RSRC1: variants seen among roughly 807,000 people sequenced by gnomAD.
RSRC1 encodes the protein serine/Arginine-related protein 53.
In RSRC1, 39 loss-of-function variants were observed where a neutral mutation model predicts 49.1. The observed-to-expected ratio is 0.79, with a 90% confidence interval of 0.61 to 1.04. RSRC1 has a LOEUF of 1.04. Ranked by LOEUF, RSRC1 falls within the 50% of genes least tolerant of loss-of-function variation. The probability of loss-of-function intolerance (pLI) is 0.00; values close to 1 mark genes in which losing one functional copy is unlikely to be tolerated. For missense variants in RSRC1, 388 were observed against 402.4 expected (o/e 0.96, Z 0.31); for synonymous variants, 143 against 130.8 (o/e 1.09, Z -0.63).
chr3:158,370,663 C>T (rs995416581), intron 6 of RSRC1, among the ~76,000 whole-genome samples: 1 of 151,692 alleles, frequency 6.6e-6, no homozygotes, highest in African/African-American at 2.4e-5. Context: ...TTGGTGGACA[C>T]AAATAAATTG....
intron 7 of RSRC1, among the ~76,000 whole-genome samples, chr3:158,464,944 A>G (rs1485528547): frequency 6.6e-6 from 1 of 152,068 alleles, no homozygotes; most frequent in Non-Finnish European, 1.5e-5. Flanking sequence ...TGCATAAATC[A>G]CAACCCTTAG....
chr3:158,353,995 CTT>C (rs1230649090), intron 5 of RSRC1, among the ~76,000 whole-genome samples: 1 of 96,302 alleles, frequency 1.0e-5, no homozygotes, highest in Non-Finnish European at 1.9e-5. Context: ...GTTTCTTTTT[CTT>C]TTTTTTTTTT....
intron 6 of RSRC1, among the ~76,000 whole-genome samples, chr3:158,402,711 T>C (rs1733957094): frequency 6.6e-6 from 1 of 151,884 alleles, no homozygotes; most frequent in Admixed American, 6.6e-5. Context: ...AGTTTCTCTT[T>C]AAGTTAGAAT....
At chr3:158,370,662 A>T (rs962588734) in intron 6 of RSRC1, among the ~76,000 whole-genome samples, 1 of 151,862 alleles carries the variant, frequency 6.6e-6, no homozygotes, top group African/African-American at 2.4e-5. Context: ...GTTGGTGGAC[A>T]CAAATAAATT....
At chr3:158,132,835 T>C (rs2108182596) in intron 3 of RSRC1, among the ~76,000 whole-genome samples, 1 of 152,322 alleles carries the variant, frequency 6.6e-6, no homozygotes, top group South Asian at 2.1e-4. Context: ...ATCCTTCAAT[T>C]TGTCCATGAA....
chr3:158,137,552 A>G (rs534556344), intron 3 of RSRC1, among the ~76,000 whole-genome samples: 5 of 152,124 alleles, frequency 3.3e-5, no homozygotes, highest in African/African-American at 1.2e-4. Flanking sequence ...AAAATTAATT[A>G]GTTGACCTTA....
At chr3:158,456,180 T>A (rs1258133146) in intron 6 of RSRC1, among the ~76,000 whole-genome samples, 1 of 151,998 alleles carries the variant, frequency 6.6e-6, no homozygotes, top group African/African-American at 2.4e-5. Context: ...TGTCACAGTA[T>A]AATGCAAGTC....
chr3:158,259,890 A>G (rs570095755), intron 4 of RSRC1, among the ~76,000 whole-genome samples: 1 of 152,158 alleles, frequency 6.6e-6, no homozygotes, highest in East Asian at 1.9e-4. Context: ...TTGCCTGGCT[A>G]TCATCAATGC....
chr3:158,333,482 A>G (rs943160855), intron 5 of RSRC1, among the ~76,000 whole-genome samples: 1 of 152,248 alleles, frequency 6.6e-6, no homozygotes, highest in African/African-American at 2.4e-5. Flanking sequence ...GTAGCATGAA[A>G]TAAAGTATGT....
At chr3:158,263,519 C>T (rs1308315616) in intron 4 of RSRC1, among the ~76,000 whole-genome samples, 1 of 152,046 alleles carries the variant, frequency 6.6e-6, no homozygotes, top group African/African-American at 2.4e-5. Context: ...TGTTTGGTGA[C>T]AGGGTAATGC....
chr3:158,208,297 A>G (rs922897424), intron 4 of RSRC1, among the ~76,000 whole-genome samples: 6 of 152,132 alleles, frequency 3.9e-5, no homozygotes, highest in African/African-American at 1.4e-4. Flanking sequence ...AGTGAAAGCA[A>G]TTTATTAAGA....
chr3:158,194,744 C>CAG, intron 3 of RSRC1, among the ~76,000 whole-genome samples: 1 of 148,290 alleles, frequency 6.7e-6, no homozygotes, highest in East Asian at 2.0e-4. Flanking sequence ...AGAACATGTG[C>CAG]TGTTTGGTTT....
At chr3:158,214,112 CTA>C (rs909645532) in intron 4 of RSRC1, among the ~76,000 whole-genome samples, 9 of 151,778 alleles carry the variant, frequency 5.9e-5, no homozygotes, top group African/African-American at 2.2e-4. Flanking sequence ...TATAATTAAT[CTA>C]GAGATGATCT....
intron 3 of RSRC1, among the ~76,000 whole-genome samples, chr3:158,202,434 G>A (rs827804): frequency 0.57 from 85,506 of 149,970 alleles, 24,798 homozygotes; most frequent in East Asian, 0.73. Flanking sequence ...TTGCCTTGCT[G>A]TCTCAGTGGT....
intron 7 of RSRC1, among the ~76,000 whole-genome samples, chr3:158,503,633 C>T (rs1739714022): frequency 1.3e-5 from 2 of 152,128 alleles, no homozygotes; most frequent in African/African-American, 4.8e-5. Context: ...TTATAGCTGC[C>T]TCTGCTGAGT....
chr3:158,290,568 C>A (rs1330275545), intron 4 of RSRC1, among the ~76,000 whole-genome samples: 1 of 152,156 alleles, frequency 6.6e-6, no homozygotes, highest in Non-Finnish European at 1.5e-5. Flanking sequence ...AGCCACCACG[C>A]CTGGCAGAAC....
chr3:158,521,805 G>A (rs1339624930), intron 7 of RSRC1, among the ~76,000 whole-genome samples: 1 of 152,040 alleles, frequency 6.6e-6, no homozygotes, highest in Non-Finnish European at 1.5e-5. Context: ...TTCCTTCAAA[G>A]GTGCTGAGGA....
chr3:158,425,921 C>T (rs1039068469), intron 6 of RSRC1, among the ~76,000 whole-genome samples: 28 of 151,588 alleles, frequency 1.8e-4, no homozygotes, highest in Admixed American at 1.8e-3. Flanking sequence ...TAATAAGATT[C>T]TATGAAAAAA....
Position 158,298,095 on chromosome 3 carries a change from T to TG in RSRC1, c.531+21dup. ...CATCTGGTAAGTTCTCATTTTCTCT[T>TG]GAACATTTGCATCATCTTTGATATC... On this transcript the variant is annotated intron_variant, in intron 5 of 9. Coordinates refer to ENST00000611884, the MANE Select transcript of RSRC1 (RefSeq NM_001271838.2). 6.4e-7 allele frequency: 1 copy of TG among 1,572,582 alleles called. No individual in the cohort carries two copies. Among genetic ancestry groups the TG allele is most frequent in the Non-Finnish European group, 8.7e-7 (1 of 1,143,396 alleles).
Sources: allele counts gnomAD v4.1 joint callset (sites outside exome capture counted in the v4.1 genomes callset), GRCh38; gene constraint gnomAD v4.1.1; transcripts MANE v1.5; gene names NCBI Gene and HGNC (gene_info 2026-07-23, HGNC 2026-07-21).